PPP3CA: variants seen among roughly 807,000 people sequenced by gnomAD.
The protein encoded by PPP3CA is protein phosphatase 3 catalytic subunit alpha.
A neutral mutation model predicts 66.5 loss-of-function variants in PPP3CA; 14 were observed. That is an observed-to-expected ratio of 0.21 (90% CI 0.14 to 0.33). The LOEUF (loss-of-function observed/expected upper bound fraction) is 0.33, where lower values mean the gene tolerates loss of function less well. Among genes scored for constraint, PPP3CA ranks in the 10% least tolerant of loss-of-function variants. The pLI, the probability that PPP3CA is intolerant of heterozygous loss-of-function variation, is 1.00. For missense variants in PPP3CA, 317 were observed against 639.5 expected (o/e 0.50, Z 5.44); for synonymous variants, 232 against 226.2 (o/e 1.03, Z -0.23).
At chr4:101,078,692 CAT>C (rs1413645191) in intron 8 of PPP3CA, among the ~76,000 whole-genome samples, 1 of 152,108 alleles carries the variant, frequency 6.6e-6, no homozygotes, top group Non-Finnish European at 1.5e-5. Flanking sequence ...ATGATTAACT[CAT>C]AGGTTCTTCA....
intron 1 of PPP3CA, among the ~76,000 whole-genome samples, chr4:101,200,190 G>A (rs1724923949): frequency 6.6e-6 from 1 of 152,084 alleles, no homozygotes; most frequent in Non-Finnish European, 1.5e-5. Flanking sequence ...TATTTAATAG[G>A]AAACATCTGA....
chr4:101,131,051 A>G (rs1028960229), intron 2 of PPP3CA, among the ~76,000 whole-genome samples: 1 of 151,974 alleles, frequency 6.6e-6, no homozygotes, highest in East Asian at 1.9e-4. Flanking sequence ...AGGCTGGCCA[A>G]CCTGGTGAAA....
chr4:101,330,694 T>C (rs1276974948), intron 1 of PPP3CA, among the ~76,000 whole-genome samples: 2 of 152,118 alleles, frequency 1.3e-5, no homozygotes, highest in African/African-American at 2.4e-5. Context: ...AATATGCCTG[T>C]ATAAAGCCAC....
intron 2 of PPP3CA, among the ~76,000 whole-genome samples, chr4:101,173,842 C>T (rs2850980): frequency 2.0e-5 from 3 of 151,870 alleles, no homozygotes; most frequent in South Asian, 2.1e-4. Context: ...CTTGAGGCCA[C>T]GACTTTGAAA....
chr4:101,188,067 A>T (rs184690446), intron 2 of PPP3CA, among the ~76,000 whole-genome samples: 68 of 152,288 alleles, frequency 4.5e-4, no homozygotes, highest in African/African-American at 1.5e-3. Flanking sequence ...ATCTTAAATT[A>T]GATAGCACAT....
chr4:101,295,327 A>T (rs1321038054), intron 1 of PPP3CA, among the ~76,000 whole-genome samples: 1 of 151,266 alleles, frequency 6.6e-6, no homozygotes, highest in Non-Finnish European at 1.5e-5. Context: ...AAAAAAAAAA[A>T]AAAAGAAAGT....
chr4:101,226,525 C>CA (rs1197662398), intron 1 of PPP3CA, among the ~76,000 whole-genome samples: 3 of 151,218 alleles, frequency 2.0e-5, no homozygotes, highest in Non-Finnish European at 3.0e-5. Context: ...CAACAGCTGT[C>CA]AAAAAAACGA....
intron 2 of PPP3CA, among the ~76,000 whole-genome samples, chr4:101,165,777 T>A (rs181848640): frequency 2.8e-4 from 42 of 152,288 alleles, no homozygotes; most frequent in African/African-American, 9.9e-4. Flanking sequence ...TACTGAGATA[T>A]ACTCAAACTG....
intron 2 of PPP3CA, among the ~76,000 whole-genome samples, chr4:101,195,226 C>T (rs937247559): frequency 1.7e-4 from 25 of 147,668 alleles, no homozygotes; most frequent in African/African-American, 6.1e-4. Flanking sequence ...CGAGATTGCA[C>T]CATTGCACTC....
intron 8 of PPP3CA, among the ~76,000 whole-genome samples, chr4:101,067,679 C>T (rs72929315): frequency 9.6e-5 from 10 of 104,344 alleles, no homozygotes; most frequent in African/African-American, 2.7e-4. Context: ...GGTGGGGGGA[C>T]GGGGAGGGAT....
At chr4:101,325,818 C>A (rs1236732228) in intron 1 of PPP3CA, among the ~76,000 whole-genome samples, 2 of 152,052 alleles carry the variant, frequency 1.3e-5, no homozygotes, top group African/African-American at 4.8e-5. Flanking sequence ...TTAAAATGTG[C>A]GCATTCATTA....
chr4:101,092,425 A>G (rs1729993295), intron 6 of PPP3CA, among the ~76,000 whole-genome samples: 1 of 144,374 alleles, frequency 6.9e-6, no homozygotes, highest in Non-Finnish European at 1.5e-5. Flanking sequence ...TTTTTTTGGT[A>G]CAGTTTTTTT....
At chr4:101,106,052 G>C (rs1160113237) in intron 3 of PPP3CA, among the ~76,000 whole-genome samples, 1 of 151,992 alleles carries the variant, frequency 6.6e-6, no homozygotes, top group Non-Finnish European at 1.5e-5. Flanking sequence ...CAGAATACAG[G>C]TTTGCACACT....
chr4:101,091,054 G>A (rs1405435785), intron 6 of PPP3CA, among the ~76,000 whole-genome samples: 2 of 151,914 alleles, frequency 1.3e-5, no homozygotes, highest in African/African-American at 2.4e-5. Flanking sequence ...AGTTCAGTAT[G>A]GGACTCTGCT....
chr4:101,187,249 A>AT (rs967509902), intron 2 of PPP3CA, among the ~76,000 whole-genome samples: 103 of 149,962 alleles, frequency 6.9e-4, no homozygotes, highest in South Asian at 1.7e-3. Flanking sequence ...TATTTCTGTC[A>AT]TTTTTTTTTT....
intron 2 of PPP3CA, among the ~76,000 whole-genome samples, chr4:101,113,269 A>G (rs1290462801): frequency 6.6e-6 from 1 of 152,094 alleles, no homozygotes; most frequent in Non-Finnish European, 1.5e-5. Context: ...ATCTCCAGAG[A>G]TGCAGATTCA....
At chr4:101,036,495 C>T (rs1157820485) in intron 11 of PPP3CA, among the ~76,000 whole-genome samples, 1 of 152,162 alleles carries the variant, frequency 6.6e-6, no homozygotes, top group African/African-American at 2.4e-5. Flanking sequence ...CACTGCAAGC[C>T]CCGCCTCCGG....
At chr4:101,242,398 C>G (rs1726339779) in intron 1 of PPP3CA, among the ~76,000 whole-genome samples, 1 of 151,936 alleles carries the variant, frequency 6.6e-6, no homozygotes, top group Non-Finnish European at 1.5e-5. Context: ...CAATTGAAAA[C>G]TGGTAAGCTA....
At chr4:101,189,039 C>T (rs1278013503) in intron 2 of PPP3CA, among the ~76,000 whole-genome samples, 3 of 152,060 alleles carry the variant, frequency 2.0e-5, no homozygotes, top group Non-Finnish European at 4.4e-5. Flanking sequence ...GAAACAACTT[C>T]CAAACAGACT....
Sources: allele counts gnomAD v4.1 joint callset (sites outside exome capture counted in the v4.1 genomes callset), GRCh38; gene constraint gnomAD v4.1.1; transcripts MANE v1.5; gene names NCBI Gene and HGNC (gene_info 2026-07-23, HGNC 2026-07-21).